The following LYN variants were observed in gnomAD, a reference collection of about 807,000 sequenced individuals.
LYN encodes LYN proto-oncogene, Src family tyrosine kinase.
In LYN, 12 loss-of-function variants were observed where a neutral mutation model predicts 65.0. The observed-to-expected ratio is 0.18, with a 90% confidence interval of 0.12 to 0.30. The LOEUF (loss-of-function observed/expected upper bound fraction) is 0.30, where lower values mean the gene tolerates loss of function less well. Ranked by LOEUF, LYN falls within the 10% of genes least tolerant of loss-of-function variation. The pLI is 1.00. For synonymous variants in LYN, 222 were observed against 221.2 expected, an observed-to-expected ratio of 1.00 and a Z score of -0.03; for missense variants, 380 against 623.2, an observed-to-expected ratio of 0.61 and a Z score of 4.16.
chr8:55,957,905 G>A (rs145039039), intron 8 of LYN, among the ~76,000 whole-genome samples: 2 of 152,098 alleles, frequency 1.3e-5, no homozygotes, highest in East Asian at 1.9e-4. Flanking sequence ...CTGAGATTGC[G>A]CCGCTGTCAC....
chr8:55,902,780 C>G, intron 1 of LYN: 2 of 514,136 alleles, frequency 3.9e-6, no homozygotes, highest in East Asian at 5.5e-5. Context: ...GGAAGCATAA[C>G]CTATCTCAAT....
intron 1 of LYN, among the ~76,000 whole-genome samples, chr8:55,923,755 G>A (rs1055085945): frequency 4.6e-5 from 7 of 152,044 alleles, no homozygotes; most frequent in Admixed American, 3.3e-4. Flanking sequence ...GGCCAGGCTG[G>A]TCTCGAACTC....
chr8:55,946,841 T>C (rs1236647323), intron 3 of LYN, among the ~76,000 whole-genome samples: 2 of 152,226 alleles, frequency 1.3e-5, no homozygotes, highest in Admixed American at 6.5e-5. Flanking sequence ...CATACAGTAA[T>C]TGTCCTTTTG....
chr8:55,987,562 G>A (rs1291610902), intron 10 of LYN, among the ~76,000 whole-genome samples: 2 of 152,116 alleles, frequency 1.3e-5, no homozygotes, highest in Non-Finnish European at 2.9e-5. Flanking sequence ...GATTATGGGT[G>A]CCCGCCACCA....
At chr8:55,935,233 A>G (rs1806394874) in intron 1 of LYN, among the ~76,000 whole-genome samples, 1 of 152,160 alleles carries the variant, frequency 6.6e-6, no homozygotes, top group African/African-American at 2.4e-5. Flanking sequence ...AACAAAAGCA[A>G]ACTGAAAAAG....
intron 1 of LYN, among the ~76,000 whole-genome samples, chr8:55,899,701 G>A (rs1241398225): frequency 6.6e-6 from 1 of 152,084 alleles, no homozygotes; most frequent in Non-Finnish European, 1.5e-5. Flanking sequence ...CCAGGCTGGA[G>A]TGCAATGGCA....
chr8:55,979,106 G>C (rs977382153), intron 10 of LYN, among the ~76,000 whole-genome samples: 7 of 135,214 alleles, frequency 5.2e-5, no homozygotes, highest in African/African-American at 2.0e-4. Context: ...CCACGGTGGA[G>C]TGCAATGGTG....
chr8:55,990,153 C>A (rs541537963), intron 10 of LYN, among the ~76,000 whole-genome samples: 1 of 147,864 alleles, frequency 6.8e-6, no homozygotes, highest in East Asian at 2.0e-4. Flanking sequence ...GCAGGAGAAT[C>A]GCTTGAACCC....
intron 1 of LYN, among the ~76,000 whole-genome samples, chr8:55,893,443 T>C (rs1377437106): frequency 6.6e-6 from 1 of 152,256 alleles, no homozygotes; most frequent in Non-Finnish European, 1.5e-5. Context: ...GTGATGCTGT[T>C]CTTCAATAAA....
intron 1 of LYN, among the ~76,000 whole-genome samples, 157 bp from the exon 2 acceptor site, chr8:55,941,698 A>G (rs1329926944): frequency 1.3e-5 from 2 of 152,210 alleles, no homozygotes; most frequent in Non-Finnish European, 2.9e-5. Flanking sequence ...TGGACAGGCA[A>G]ACCTATTTGG....
At chr8:55,997,845 G>A (rs1368499419) in intron 10 of LYN, among the ~76,000 whole-genome samples, 5 of 152,218 alleles carry the variant, frequency 3.3e-5, no homozygotes, top group African/African-American at 9.6e-5. Flanking sequence ...AGCACTTTGG[G>A]AGGCCAAGGC....
chr8:55,884,991 C>T (rs1052357196), intron 1 of LYN, among the ~76,000 whole-genome samples: 1 of 152,198 alleles, frequency 6.6e-6, no homozygotes, highest in Non-Finnish European at 1.5e-5. Flanking sequence ...TAGAACTCTT[C>T]CATGGCATTG....
At chr8:55,887,876 C>T (rs979623653) in intron 1 of LYN, among the ~76,000 whole-genome samples, 8 of 152,038 alleles carry the variant, frequency 5.3e-5, no homozygotes, top group Non-Finnish European at 7.4e-5. Flanking sequence ...TCCCGAAATC[C>T]GGGGATTACA....
At chr8:55,978,374 G>T (rs967809164) in intron 10 of LYN, among the ~76,000 whole-genome samples, 2 of 152,244 alleles carry the variant, frequency 1.3e-5, no homozygotes, top group African/African-American at 4.8e-5. Flanking sequence ...GAAGGAATGT[G>T]CATGGGGCAG....
chr8:55,950,512 T>A lies in LYN; in HGVS notation c.338T>A (p.Ile113Asn). Residue 113 changes from isoleucine (I) to asparagine (N), a missense_variant, in exon 5 of 13, where the codon ATC becomes AAC. Physicochemically the swap from Ile to Asn is moderately radical, Grantham distance 149 (BLOSUM62 -3). This residue lies in a region of LYN where 157 missense variants were observed against 193.2 expected (regional missense o/e 0.81). Coordinates refer to ENST00000519728, the MANE Select transcript of LYN (RefSeq NM_002350.4). Reference sequence around the variant, plus strand: ...CTTTTAACAAAAAAAGAAGGCTTCATCCCCAGCAACTATGTGGCCAAACTC... The same window carrying A: ...CTTTTAACAAAAAAAGAAGGCTTCAACCCCAGCAACTATGTGGCCAAACTC... ...KSLLTKKEGF[I>N]PSNYVAKLNT... is the part of the protein sequence containing the mutation. 6.2e-7 allele frequency: 1 copy of A among 1,613,936 alleles called. No individual in the cohort carries two copies. Among genetic ancestry groups the A allele is most frequent in the East Asian group, 2.2e-5 (1 of 44,882 alleles).
chr8:55,935,723 G>A (rs1472760287), intron 1 of LYN, among the ~76,000 whole-genome samples: 3 of 150,234 alleles, frequency 2.0e-5, no homozygotes, highest in African/African-American at 7.4e-5. Flanking sequence ...AGAGGTTGCA[G>A]TGAGCCGAGA....
chr8:56,001,909 A>G (rs1457669169), intron 12 of LYN, among the ~76,000 whole-genome samples: 1 of 152,156 alleles, frequency 6.6e-6, no homozygotes, highest in Non-Finnish European at 1.5e-5. Flanking sequence ...CCCCAGATCC[A>G]TGTGCCTCCC....
intron 1 of LYN, among the ~76,000 whole-genome samples, chr8:55,899,713 G>A (rs1563499896): frequency 6.6e-6 from 1 of 151,932 alleles, no homozygotes; most frequent in African/African-American, 2.4e-5. Flanking sequence ...GCAATGGCAC[G>A]ATCTCAGTTC....
intron 4 of LYN, 30 bp from the exon 5 acceptor site, chr8:55,950,429 G>A: frequency 6.8e-7 from 1 of 1,467,978 alleles, no homozygotes; most frequent in Non-Finnish European, 9.4e-7. Flanking sequence ...TAATCTTTTA[G>A]CTTCTTTTTG....
Sources: gnomAD v4.1 joint callset for allele counts (sites outside exome capture counted in the v4.1 genomes callset) on GRCh38, gnomAD v4.1.1 for gene constraint, gnomAD v4.1.1 regional missense constraint, MANE v1.5 for transcripts, NCBI Gene and HGNC (gene_info 2026-07-23, HGNC 2026-07-21) for gene names.